THSD4: variants seen among roughly 807,000 people sequenced by gnomAD.
THSD4 encodes thrombospondin type 1 domain containing 4, also known as thrombospondin type-1 domain-containing protein 4.
In THSD4, 69 loss-of-function variants were observed where a neutral mutation model predicts 119.0. The ratio of observed to expected loss-of-function variants is 0.58; its 90% CI spans 0.48 to 0.71. THSD4 has a LOEUF of 0.71. Ranked by LOEUF, THSD4 falls within the 30% of genes least tolerant of loss-of-function variation. The probability of loss-of-function intolerance (pLI) is 0.00; values close to 1 mark genes in which losing one functional copy is unlikely to be tolerated. For missense variants in THSD4, 1,393 were observed against 1,391.1 expected (o/e 1.00, Z -0.02); for synonymous variants, 524 against 540.4 (o/e 0.97, Z 0.42).
intron 6 of THSD4, among the ~76,000 whole-genome samples, chr15:71,294,820 T>A (rs774042089): frequency 2.0e-5 from 3 of 151,410 alleles, no homozygotes; most frequent in Non-Finnish European, 4.4e-5. Flanking sequence ...CTTGGTCTTA[T>A]AATAACACCA....
At chr15:71,648,191 C>G (rs2051010152) in intron 7 of THSD4, among the ~76,000 whole-genome samples, 1 of 152,202 alleles carries the variant, frequency 6.6e-6, no homozygotes, top group Admixed American at 6.5e-5. Context: ...ATTCTTACCT[C>G]CTGGTGTTGT....
At chr15:71,231,000 A>G (rs1425162387) in intron 4 of THSD4, among the ~76,000 whole-genome samples, 1 of 151,842 alleles carries the variant, frequency 6.6e-6, no homozygotes, top group Non-Finnish European at 1.5e-5. Context: ...TCCACCATTG[A>G]TTTCTGTGGC....
At chr15:71,709,745 T>C (rs2052470677) in intron 8 of THSD4, among the ~76,000 whole-genome samples, 1 of 151,878 alleles carries the variant, frequency 6.6e-6, no homozygotes, top group Non-Finnish European at 1.5e-5. Context: ...ATCTAAGGCA[T>C]GGTTCCCAAA....
intron 7 of THSD4, among the ~76,000 whole-genome samples, chr15:71,421,489 C>CCACT (rs2046806681): frequency 6.6e-6 from 1 of 152,158 alleles, no homozygotes. Flanking sequence ...ATATGTGATG[C>CCACT]CACTCTCTCC....
chr15:71,538,127 A>G (rs1251169464), intron 7 of THSD4, among the ~76,000 whole-genome samples: 1 of 152,174 alleles, frequency 6.6e-6, no homozygotes, highest in African/African-American at 2.4e-5. Flanking sequence ...ATACAAATAT[A>G]TAAATATTTT....
chr15:71,603,545 G>C (rs1306680668), intron 7 of THSD4, among the ~76,000 whole-genome samples: 1 of 152,192 alleles, frequency 6.6e-6, no homozygotes, highest in African/African-American at 2.4e-5. Flanking sequence ...CAAGACACTG[G>C]CTTTGAAGAG....
At chr15:71,647,603 A>T (rs1356542226) in intron 7 of THSD4, among the ~76,000 whole-genome samples, 1 of 152,206 alleles carries the variant, frequency 6.6e-6, no homozygotes, top group African/African-American at 2.4e-5. Context: ...GGGTTGGGTA[A>T]TGACGTCGCC....
intron 7 of THSD4, among the ~76,000 whole-genome samples, chr15:71,423,187 T>C (rs934639931): frequency 1.3e-4 from 20 of 152,070 alleles, no homozygotes; most frequent in African/African-American, 4.3e-4. Flanking sequence ...TACTCCACTA[T>C]GGCCAAACTG....
intron 1 of THSD4, among the ~76,000 whole-genome samples, chr15:71,121,021 G>T (rs567075936): frequency 6.6e-5 from 10 of 152,324 alleles, no homozygotes; most frequent in Non-Finnish European, 1.3e-4. Flanking sequence ...GGACTGCTGG[G>T]AGGCTGCCCT....
intron 7 of THSD4, among the ~76,000 whole-genome samples, chr15:71,640,914 A>C (rs927137839): frequency 6.6e-6 from 1 of 151,972 alleles, no homozygotes; most frequent in Non-Finnish European, 1.5e-5. Context: ...TCGATGTTTA[A>C]TTAATCCTTC....
At chr15:71,504,296 C>T (rs2048157372) in intron 7 of THSD4, among the ~76,000 whole-genome samples, 1 of 152,110 alleles carries the variant, frequency 6.6e-6, no homozygotes, top group African/African-American at 2.4e-5. Flanking sequence ...TGAAGAAATC[C>T]ATGAGGGAAT....
intron 6 of THSD4, among the ~76,000 whole-genome samples, chr15:71,279,796 A>C (rs1003123588): frequency 2.7e-5 from 4 of 146,910 alleles, no homozygotes; most frequent in Admixed American, 6.8e-5. Flanking sequence ...AAAAAAAAAA[A>C]CACAAAGATT....
At chr15:71,286,026 A>G (rs1311734404) in intron 6 of THSD4, among the ~76,000 whole-genome samples, 2 of 152,046 alleles carry the variant, frequency 1.3e-5, no homozygotes, top group African/African-American at 4.8e-5. Flanking sequence ...ATATATCCAC[A>G]GTGATAAACA....
chr15:71,342,005 G>A (rs374557288), intron 6 of THSD4, among the ~76,000 whole-genome samples: 86 of 152,078 alleles, frequency 5.7e-4, no homozygotes, highest in African/African-American at 2.0e-3. Flanking sequence ...ATTAACTCTT[G>A]TTAACAGTAG....
chr15:71,330,714 C>T (rs2045409660), intron 6 of THSD4, among the ~76,000 whole-genome samples: 1 of 152,192 alleles, frequency 6.6e-6, no homozygotes, highest in African/African-American at 2.4e-5. Context: ...GTGAAGAGAA[C>T]AGTCCTATGC....
At chr15:71,238,329 C>T (rs188898577) in intron 4 of THSD4, among the ~76,000 whole-genome samples, 100 of 152,196 alleles carry the variant, frequency 6.6e-4, no homozygotes, top group Middle Eastern at 3.4e-3. Flanking sequence ...ACTTACATAC[C>T]GTAAAAATCA....
chr15:71,246,293 C>T (rs1337048401), intron 5 of THSD4, among the ~76,000 whole-genome samples: 2 of 152,082 alleles, frequency 1.3e-5, no homozygotes, highest in African/African-American at 2.4e-5. Flanking sequence ...GCATACCCCC[C>T]TTTAGATAGG....
At chr15:71,561,211 T>C (rs2049111273) in intron 7 of THSD4, among the ~76,000 whole-genome samples, 1 of 152,158 alleles carries the variant, frequency 6.6e-6, no homozygotes, top group Middle Eastern at 3.4e-3. Flanking sequence ...CCTGACCTCG[T>C]GATCCACCTG....
intron 6 of THSD4, among the ~76,000 whole-genome samples, chr15:71,336,325 T>G (rs1422169300): frequency 6.6e-6 from 1 of 152,236 alleles, no homozygotes; most frequent in Non-Finnish European, 1.5e-5. Context: ...GTTCATAATA[T>G]TTTGTTAAAT....
Sources: gnomAD v4.1 joint callset for allele counts (sites outside exome capture counted in the v4.1 genomes callset) on GRCh38, gnomAD v4.1.1 for gene constraint, MANE v1.5 for transcripts, NCBI Gene and HGNC (gene_info 2026-07-23, HGNC 2026-07-21) for gene names.